The following RHOBTB1 variants were observed in gnomAD, a reference collection of about 807,000 sequenced individuals.
RHOBTB1 encodes the protein Rho related BTB domain containing 1.
In RHOBTB1, 40 loss-of-function variants were observed where a neutral mutation model predicts 71.6. That is an observed-to-expected ratio of 0.56 (90% CI 0.43 to 0.73). RHOBTB1 has a LOEUF of 0.73. Among genes scored for constraint, RHOBTB1 ranks in the 30% least tolerant of loss-of-function variants. RHOBTB1 has a pLI of 0.00. For missense variants in RHOBTB1, 797 were observed against 894.0 expected, an observed-to-expected ratio of 0.89 and a Z score of 1.38; for synonymous variants, 319 against 334.9, an observed-to-expected ratio of 0.95 and a Z score of 0.52.
Position 60,891,334 on chromosome 10 carries a change from C to CTTTTTTTTTTT in RHOBTB1, c.482+1465_482+1475dup, listed in dbSNP as rs756153141. ...GGATTTTTGTTGTTGTTGCTGTTTG[C>CTTTTTTTTTTT]TTTTTTTTTTTTTTTTTTTTTTTTG... On this transcript the variant is annotated intron_variant, in intron 5 of 10. Coordinates refer to ENST00000337910, the MANE Select transcript of RHOBTB1 (RefSeq NM_014836.5). Among the ~76,000 whole-genome samples, 18 of 71,320 alleles carry CTTTTTTTTTTT rather than the reference C, an allele frequency of 2.5e-4. 2 individuals are homozygous for CTTTTTTTTTTT. Among genetic ancestry groups the CTTTTTTTTTTT allele is most frequent in the African/African-American group, 4.2e-4 (7 of 16,572 alleles). The allele number at this position is 71,320 out of a possible 152,430, so 46.8% of individuals were successfully genotyped here. A position where few individuals can be genotyped will look rare whatever the true frequency, so the allele number is the denominator to read the frequency against.
the RHOBTB1 span, among the ~76,000 whole-genome samples, chr10:60,862,359 G>T: frequency 6.6e-6 from 1 of 151,888 alleles, no homozygotes; most frequent in East Asian, 1.9e-4. Context: ...CACTATGCCT[G>T]GCAAATTTTT....
chr10:60,970,434 G>T (rs1437780942), intron 2 of RHOBTB1, among the ~76,000 whole-genome samples: 1 of 151,900 alleles, frequency 6.6e-6, no homozygotes, highest in African/African-American at 2.4e-5. Flanking sequence ...TTCCTTTTTA[G>T]TTCCTTAGAT....
At chr10:60,927,638 T>G (rs1426468676) in intron 2 of RHOBTB1, among the ~76,000 whole-genome samples, 1 of 152,214 alleles carries the variant, frequency 6.6e-6, no homozygotes, top group Non-Finnish European at 1.5e-5. Context: ...CAATAAATGA[T>G]GCTGGGAAAA....
At chr10:60,886,725 G>T (rs1225114134) in intron 6 of RHOBTB1, among the ~76,000 whole-genome samples, 1 of 140,336 alleles carries the variant, frequency 7.1e-6, no homozygotes, top group African/African-American at 2.7e-5. Flanking sequence ...TGTGGGGGGG[G>T]GTGGGTCTGG....
chr10:60,954,677 G>A (rs992314337), intron 2 of RHOBTB1, among the ~76,000 whole-genome samples: 1 of 152,016 alleles, frequency 6.6e-6, no homozygotes, highest in African/African-American at 2.4e-5. Flanking sequence ...AAATGGATGA[G>A]AAAGAGGAGA....
chr10:60,914,585 T>C (rs1043738856), intron 2 of RHOBTB1, among the ~76,000 whole-genome samples: 1 of 152,164 alleles, frequency 6.6e-6, no homozygotes, highest in African/African-American at 2.4e-5. Context: ...GAATTAGTTT[T>C]CTGGTAGGCT....
At chr10:60,883,245 A>C (rs1291769092) in intron 7 of RHOBTB1, among the ~76,000 whole-genome samples, 1 of 152,164 alleles carries the variant, frequency 6.6e-6, no homozygotes, top group Non-Finnish European at 1.5e-5. Flanking sequence ...CCTCAACTCC[A>C]GTTCTAAGTG....
At chr10:60,944,992 G>T (rs117351833), upstream of RHOBTB1, among the ~76,000 whole-genome samples, 12 of 152,314 alleles carry the variant, frequency 7.9e-5, no homozygotes, top group East Asian at 2.3e-3. Context: ...GACAGCCCAT[G>T]CCTCCTCACA....
intron 2 of RHOBTB1, among the ~76,000 whole-genome samples, chr10:60,982,945 A>G (rs777391853): frequency 6.6e-6 from 1 of 152,168 alleles, no homozygotes; most frequent in Non-Finnish European, 1.5e-5. Flanking sequence ...GGCGGTGCAC[A>G]TGACATAAGG....
intron 9 of RHOBTB1, among the ~76,000 whole-genome samples, chr10:60,873,425 T>G (rs536983507): frequency 6.6e-6 from 1 of 152,196 alleles, no homozygotes; most frequent in South Asian, 2.1e-4. Context: ...TAGGTTAGGG[T>G]CTAATGAATG....
intron 2 of RHOBTB1, chr10:60,912,882 A>C (rs2133445391): frequency 6.6e-6 from 1 of 152,348 alleles, no homozygotes; most frequent in South Asian, 2.1e-4. Flanking sequence ...TAAACTAATA[A>C]GAACAGATGC....
chr10:60,909,895 CA>C (rs2082879551), intron 4 of RHOBTB1, among the ~76,000 whole-genome samples: 2 of 152,156 alleles, frequency 1.3e-5, no homozygotes, highest in South Asian at 2.1e-4. Flanking sequence ...ACTCTTTCAG[CA>C]GTTTATTCAT....
rs1280753069 is a variant in RHOBTB1, at chr10:60,869,457, T to A, written c.*2025A>T. ...GAGGCATTTTATAGCTAAACAATTT[T>A]ATTGGCTTTTTGTGAAATAAAAAAC... On this transcript the variant is annotated 3_prime_UTR_variant, in exon 11 of 11. Coordinates refer to ENST00000337910, the MANE Select transcript of RHOBTB1 (RefSeq NM_014836.5). 1 of 152,684 alleles carries A rather than the reference T, an allele frequency of 6.5e-6. No individual in the cohort carries two copies. Among genetic ancestry groups the A allele is most frequent in the African/African-American group, 2.4e-5 (1 of 41,476 alleles). The allele number at this position is 152,684 out of a possible 1,614,324, so 9.5% of individuals were successfully genotyped here.
downstream of RHOBTB1, among the ~76,000 whole-genome samples, chr10:60,869,207 G>A (rs2080668297): frequency 1.3e-5 from 2 of 152,206 alleles, no homozygotes; most frequent in African/African-American, 4.8e-5. Flanking sequence ...TATGTCTAGT[G>A]ACATACTGTA....
chr10:60,987,409 C>A (rs950288904), intron 1 of RHOBTB1, among the ~76,000 whole-genome samples: 2 of 152,180 alleles, frequency 1.3e-5, no homozygotes, highest in African/African-American at 4.8e-5. Flanking sequence ...AGTGGCACTG[C>A]CACTCTCCCT....
At chr10:60,876,204 T>C (rs1028313886) in intron 8 of RHOBTB1, among the ~76,000 whole-genome samples, 7 of 152,338 alleles carry the variant, frequency 4.6e-5, no homozygotes, top group Middle Eastern at 6.8e-3. Flanking sequence ...GCATTGTCAC[T>C]GTAGAAACTG....
At chr10:60,996,418 G>T (rs1208517108) in intron 1 of RHOBTB1, among the ~76,000 whole-genome samples, 2 of 151,992 alleles carry the variant, frequency 1.3e-5, no homozygotes, top group African/African-American at 4.8e-5. Flanking sequence ...GCTCTTTAAG[G>T]CCTAGTTCAA....
chr10:60,945,908 G>C (rs1419464445), upstream of RHOBTB1, among the ~76,000 whole-genome samples: 2 of 152,204 alleles, frequency 1.3e-5, no homozygotes, highest in Non-Finnish European at 2.9e-5. Flanking sequence ...GGCCCAGGCG[G>C]GTGGCTCACG....
At chr10:60,952,108 A>G (rs528305810) in intron 2 of RHOBTB1, among the ~76,000 whole-genome samples, 15 of 140,590 alleles carry the variant, frequency 1.1e-4, no homozygotes, top group Admixed American at 8.8e-4. Flanking sequence ...CTTTTATAAG[A>G]TGAGTTAGTT....
Sources: allele counts gnomAD v4.1 joint callset (sites outside exome capture counted in the v4.1 genomes callset), GRCh38; gene constraint gnomAD v4.1.1; transcripts MANE v1.5; gene names NCBI Gene and HGNC (gene_info 2026-07-23, HGNC 2026-07-21).